PPHLN1: variants seen among roughly 807,000 people sequenced by gnomAD.
PPHLN1 encodes periphilin-1.
In PPHLN1, 29 loss-of-function variants were observed where a neutral mutation model predicts 51.3. That is an observed-to-expected ratio of 0.57 (90% CI 0.42 to 0.77). The LOEUF is 0.77. Ranked by LOEUF, PPHLN1 falls within the 30% of genes least tolerant of loss-of-function variation. PPHLN1 has a pLI of 0.00. For synonymous variants in PPHLN1, 147 were observed against 147.8 expected (o/e 0.99, Z 0.04); for missense variants, 436 against 438.4 (o/e 0.99, Z 0.05).
At chr12:42,376,149 A>G (rs1187882250) in intron 5 of PPHLN1, among the ~76,000 whole-genome samples, 2 of 152,238 alleles carry the variant, frequency 1.3e-5, no homozygotes, top group African/African-American at 4.8e-5. Flanking sequence ...TTCTACAAGT[A>G]AAGAATTGTC....
chr12:42,339,419 C>T (rs1259598647), intron 2 of PPHLN1, among the ~76,000 whole-genome samples: 2 of 151,994 alleles, frequency 1.3e-5, no homozygotes, highest in Non-Finnish European at 2.9e-5. Context: ...TAATTTAAAG[C>T]CTTCTCTTTC....
At chr12:42,415,701 C>T (rs985197792) in intron 9 of PPHLN1, among the ~76,000 whole-genome samples, 3 of 152,148 alleles carry the variant, frequency 2.0e-5, no homozygotes, top group East Asian at 3.9e-4. Context: ...ATCAACAGCT[C>T]CTGACAGTTT....
intron 9 of PPHLN1, among the ~76,000 whole-genome samples, chr12:42,402,412 G>A (rs2078924472): frequency 6.6e-6 from 1 of 152,080 alleles, no homozygotes; most frequent in South Asian, 2.1e-4. Flanking sequence ...ATTGTTATTA[G>A]CTTTATTAAG....
intron 4 of PPHLN1, among the ~76,000 whole-genome samples, chr12:42,369,756 G>A (rs907836518): frequency 6.6e-6 from 1 of 152,160 alleles, no homozygotes; most frequent in African/African-American, 2.4e-5. Flanking sequence ...TTCTTGAGAT[G>A]AGTTCGGGCA....
intron 4 of PPHLN1, among the ~76,000 whole-genome samples, chr12:42,372,540 T>C (rs1015667072): frequency 2.0e-5 from 3 of 152,236 alleles, no homozygotes; most frequent in South Asian, 2.1e-4. Context: ...TTTCCTTGGC[T>C]TCCATGATAA....
chr12:42,340,820 A>AT (rs1043041244), intron 2 of PPHLN1, among the ~76,000 whole-genome samples: 14 of 152,012 alleles, frequency 9.2e-5, no homozygotes, highest in Admixed American at 5.9e-4. Context: ...GAAAAGGCAG[A>AT]TTTTTTTTGC....
intron 9 of PPHLN1, among the ~76,000 whole-genome samples, chr12:42,404,618 A>G (rs1279303565): frequency 6.6e-6 from 1 of 152,214 alleles, no homozygotes; most frequent in Admixed American, 6.5e-5. Context: ...GTCAGTGTCA[A>G]GGTTTCGACT....
chr12:42,397,501 G>A (rs1440513941), intron 8 of PPHLN1, among the ~76,000 whole-genome samples: 1 of 151,638 alleles, frequency 6.6e-6, no homozygotes, highest in Non-Finnish European at 1.5e-5. Flanking sequence ...GAAAGCTCCT[G>A]TCTTCTCTGT....
intron 2 of PPHLN1, among the ~76,000 whole-genome samples, chr12:42,345,751 A>G (rs978565417): frequency 5.3e-5 from 8 of 152,028 alleles, no homozygotes; most frequent in Admixed American, 2.6e-4. Context: ...AAATAATAGA[A>G]ATGTTTCAAC....
At chr12:42,332,647 C>A in intron 1 of PPHLN1, 1 of 1,554,980 alleles carries the variant, frequency 6.4e-7, no homozygotes, top group South Asian at 1.1e-5. Flanking sequence ...GTCTGTATTT[C>A]CCCCCCTTAC....
At chr12:42,432,625 AC>A (rs2082133888) in intron 9 of PPHLN1, among the ~76,000 whole-genome samples, 1 of 152,186 alleles carries the variant, frequency 6.6e-6, no homozygotes, top group South Asian at 2.1e-4. Flanking sequence ...TTTTTACAGC[AC>A]CAGCACTCTC....
downstream of PPHLN1, chr12:42,445,640 C>T (rs2083274010): frequency 4.5e-6 from 1 of 224,216 alleles, no homozygotes; most frequent in Non-Finnish European, 8.8e-6. Flanking sequence ...AATTTTGTCA[C>T]ACTTGGAGCG....
chr12:42,335,582 A>ATTT (rs2137789003), intron 1 of PPHLN1, among the ~76,000 whole-genome samples: 1 of 151,650 alleles, frequency 6.6e-6, no homozygotes, highest in Non-Finnish European at 1.5e-5. Flanking sequence ...ATGAAGAAGT[A>ATTT]TTTGTGGTCT....
At chr12:42,340,665 T>C (rs182909844) in intron 2 of PPHLN1, among the ~76,000 whole-genome samples, 1 of 152,214 alleles carries the variant, frequency 6.6e-6, no homozygotes, top group African/African-American at 2.4e-5. Flanking sequence ...GAAGAGGCAG[T>C]AGTGACTGGG....
chr12:42,442,668 T>G (rs1593061603), downstream of PPHLN1: 1 of 1,614,080 alleles, frequency 6.2e-7, no homozygotes, highest in Non-Finnish European at 8.5e-7. Flanking sequence ...TGGCAGCAGG[T>G]ACCCCCTGTG....
intron 3 of PPHLN1, 40 bp downstream of exon 3, chr12:42,352,089 T>G: frequency 2.2e-6 from 3 of 1,373,496 alleles, no homozygotes; most frequent in South Asian, 2.1e-5. Flanking sequence ...TTATTTCTTA[T>G]AAGTTTAAAA....
chr12:42,382,013 C>G (rs907094357), intron 5 of PPHLN1, among the ~76,000 whole-genome samples: 2 of 152,106 alleles, frequency 1.3e-5, no homozygotes, highest in Admixed American at 1.3e-4. Flanking sequence ...TTTTTCCCTG[C>G]AGTGTCCTTT....
chr12:42,345,687 TTGAG>T lies in PPHLN1; in HGVS notation c.73-6196_73-6193del, dbSNP rs199715617. On this transcript the variant is annotated intron_variant, in intron 2 of 9. Transcript: ENST00000358314. The stretch of plus-strand genomic sequence containing the variant: ...AAGCAGTGAAAATTGATATCATTGA[TTGAG>T]TAAATTGAGATTTTATATTTAAATT... Among the ~76,000 whole-genome samples, 1,095 of 151,616 alleles carry T rather than the reference TTGAG, an allele frequency of 7.2e-3. 37 individuals carry two copies. The East Asian group carries it at 0.089, about 12-fold the overall frequency.
intron 4 of PPHLN1, among the ~76,000 whole-genome samples, chr12:42,365,707 G>A (rs888179902): frequency 2.0e-5 from 3 of 152,098 alleles, no homozygotes; most frequent in Non-Finnish European, 4.4e-5. Context: ...ATGACTTTGC[G>A]TCTTTTATAT....
Sources: gnomAD v4.1 joint callset for allele counts (sites outside exome capture counted in the v4.1 genomes callset) on GRCh38, gnomAD v4.1.1 for gene constraint, MANE v1.5 for transcripts, NCBI Gene and HGNC (gene_info 2026-07-23, HGNC 2026-07-21) for gene names.